The following ABI3BP variants were observed in gnomAD, a reference collection of about 807,000 sequenced individuals.
ABI3BP encodes the protein ABI family member 3 binding protein.
ABI3BP carries 216 observed loss-of-function variants against 268.6 expected under a neutral mutation model. That is an observed-to-expected ratio of 0.80 (90% confidence interval 0.72 to 0.90). ABI3BP has a LOEUF of 0.90. Ranked by LOEUF, ABI3BP falls within the 40% of genes least tolerant of loss-of-function variation. ABI3BP has a pLI of 0.00. For missense variants in ABI3BP, 2,090 were observed against 2,182.4 expected, an observed-to-expected ratio of 0.96 and a Z score of 0.84; for synonymous variants, 730 against 730.0, an observed-to-expected ratio of 1.00 and a Z score of 0.00.
Position 100,794,913 on chromosome 3 carries a change from C to A in ABI3BP, c.3946+10G>T. On this transcript the variant is annotated intron_variant, in intron 54 of 67. Coordinates refer to ENST00000471714, the MANE Select transcript of ABI3BP (RefSeq NM_001375547.2). ...AGCTCTCTTTGAACAAATATTAAAA[C>A]GAAATTTACCCAGAGTGGTCTGTAG... 6.4e-7 allele frequency: 1 copy of A among 1,552,234 alleles called. No individual in the cohort carries two copies.
intron 1 of ABI3BP, among the ~76,000 whole-genome samples, chr3:100,952,276 T>C (rs532117897): frequency 5.3e-5 from 8 of 152,300 alleles, no homozygotes; most frequent in African/African-American, 1.7e-4. Flanking sequence ...ACTTGAAAAT[T>C]GCTAAAAGTA....
At chr3:100,830,128 T>C (rs867291801) in intron 32 of ABI3BP, among the ~76,000 whole-genome samples, 82 of 44,188 alleles carry the variant, frequency 1.9e-3, no homozygotes, top group Non-Finnish European at 3.7e-3. Context: ...TATATATATA[T>C]ATATATATAT....
In ABI3BP at chr3:100,795,831, T is replaced by C. The variant is rs777709063; in HGVS notation, c.3838A>G (p.Arg1280Gly). Residue 1280 changes from arginine (R) to glycine (G), a missense_variant, in exon 53 of 68, where the codon AGA becomes GGA. Transcript: ENST00000471714. ...ATTGTTGTCTTTGGTGGCTCAAATCTAAAGGTAACAGGCTGCAGAACTATG... is the reference window on the plus strand; with the variant it reads ...ATTGTTGTCTTTGGTGGCTCAAATCCAAAGGTAACAGGCTGCAGAACTATG... ...SEPVLQPVTF[R>G]FEPPKTTIAP... 1 of 1,288,080 alleles carries C rather than the reference T, an allele frequency of 7.8e-7. No homozygotes were observed. The allele number at this position is 1,288,080 out of a possible 1,614,324, so 79.8% of individuals were successfully genotyped here.
intron 2 of ABI3BP, among the ~76,000 whole-genome samples, chr3:100,905,536 C>CT (rs55907993): frequency 1.3e-5 from 2 of 149,768 alleles, no homozygotes; most frequent in Admixed American, 6.6e-5. Context: ...ACTCTTAGTT[C>CT]TTTTTTTTTT....
At chr3:100,896,246 T>G (rs185441846) in intron 4 of ABI3BP, among the ~76,000 whole-genome samples, 31 of 152,250 alleles carry the variant, frequency 2.0e-4, no homozygotes, top group Admixed American at 2.0e-3. Flanking sequence ...GAGGGTGAGA[T>G]CCATGCATGG....
At chr3:100,891,826 G>A (rs2044829216) in intron 4 of ABI3BP, among the ~76,000 whole-genome samples, 1 of 152,238 alleles carries the variant, frequency 6.6e-6, no homozygotes, top group Non-Finnish European at 1.5e-5. Flanking sequence ...ATGGAAGCAA[G>A]TGGTATTCTG....
At chr3:100,806,635 C>A (rs976193270) in intron 50 of ABI3BP, among the ~76,000 whole-genome samples, 1 of 152,052 alleles carries the variant, frequency 6.6e-6, no homozygotes, top group African/African-American at 2.4e-5. Flanking sequence ...ACTGACAAAG[C>A]CAGAAGTATC....
At chr3:100,878,956 A>T (rs2099195868) in intron 6 of ABI3BP, among the ~76,000 whole-genome samples, 1 of 152,232 alleles carries the variant, frequency 6.6e-6, no homozygotes, top group Admixed American at 6.5e-5. Context: ...CTAAGTGCAC[A>T]ATGCGGGATG....
At chr3:100,828,486 A>G in intron 33 of ABI3BP, 34 bp from the exon 34 acceptor site, 1 of 1,491,130 alleles carries the variant, frequency 6.7e-7, no homozygotes, top group African/African-American at 1.4e-5. Context: ...AACACCAACA[A>G]AACATTAAAA....
chr3:100,950,838 C>T (rs543022174), intron 1 of ABI3BP, among the ~76,000 whole-genome samples: 4 of 151,924 alleles, frequency 2.6e-5, no homozygotes, highest in South Asian at 4.2e-4. Flanking sequence ...TGTCCATCCT[C>T]GTCCAGGCAT....
chr3:100,960,422 A>C (rs1412451006), intron 1 of ABI3BP, among the ~76,000 whole-genome samples: 1 of 152,224 alleles, frequency 6.6e-6, no homozygotes, highest in East Asian at 1.9e-4. Context: ...CATCAAACAA[A>C]ATAAATACAA....
At chr3:100,855,370 T>G (rs1244764689) in intron 14 of ABI3BP, among the ~76,000 whole-genome samples, 1 of 152,272 alleles carries the variant, frequency 6.6e-6, no homozygotes, top group Non-Finnish European at 1.5e-5. Flanking sequence ...CAAGACTTTA[T>G]CTTATTCAAA....
At chr3:100,829,460 C>G in intron 33 of ABI3BP, 121 bp downstream of exon 33, 1 of 870,014 alleles carries the variant, frequency 1.1e-6, no homozygotes, top group Non-Finnish European at 1.8e-6. Flanking sequence ...CTCCCCAGCC[C>G]TGTTCCTCAT....
intron 44 of ABI3BP, 128 bp downstream of exon 44, chr3:100,815,784 T>C (rs775673799): frequency 6.5e-5 from 40 of 616,792 alleles, no homozygotes; most frequent in Non-Finnish European, 1.1e-4. Context: ...TGCTGACTAT[T>C]TTAAAATGAA....
chr3:100,804,745 T>C (rs760949700), intron 51 of ABI3BP, 47 bp downstream of exon 51: 2 of 1,519,948 alleles, frequency 1.3e-6, no homozygotes, highest in Admixed American at 3.4e-5. Flanking sequence ...TGAAGCAGAG[T>C]GGGACAGTAG....
At chr3:100,818,657 G>C in intron 40 of ABI3BP, 76 bp from the exon 41 acceptor site, 1 of 1,144,824 alleles carries the variant, frequency 8.7e-7, no homozygotes, top group Non-Finnish European at 1.2e-6. Context: ...GCTTCAATCA[G>C]TATATAGCAA....
Position 100,770,935 on chromosome 3 carries a change from T to A in ABI3BP, c.4549A>T (p.Ile1517Phe). 3 of 1,588,530 alleles carry A rather than the reference T, an allele frequency of 1.9e-6. No homozygotes were observed. Among genetic ancestry groups the A allele is most frequent in the Non-Finnish European group, 2.6e-6 (3 of 1,167,154 alleles). ...CAGGGACTGTTGTCAGGCTTTTGGA[T>A]GTATCGCACATGAGGTCCTACGAGA... is the stretch of plus-strand genomic sequence containing the variant. ...PRFKGPHVRY[I>F]QKPDNSPCSI... The change falls in exon 62 of 68, where the codon ATC becomes TTC. Residue 1517 changes from isoleucine (I) to phenylalanine (F), a missense_variant. By Grantham distance (21) the Ile-to-Phe change is conservative. Coordinates refer to ENST00000471714, the MANE Select transcript of ABI3BP (RefSeq NM_001375547.2).
In ABI3BP at chr3:100,866,955, A is replaced by G. The variant is rs2099056516; in HGVS notation, c.912T>C (p.Ala304=). Residue 304 remains alanine (A), a splice_region_variant and synonymous_variant, in exon 10 of 68, where the codon GCT becomes GCC. Transcript: ENST00000471714. ...CAGGTAATGCCAAGGTTTCATTCTT[A>G]GCTAAAAAGTCAGAGAACAAACAAT... is the stretch of plus-strand genomic sequence containing the variant. ...EISDALKTQL[A]KNETLALPAE... 6.2e-7 allele frequency: 1 copy of G among 1,613,570 alleles called. No homozygotes were observed. Among genetic ancestry groups the G allele is most frequent in the Non-Finnish European group, 8.5e-7 (1 of 1,179,646 alleles).
intron 6 of ABI3BP, among the ~76,000 whole-genome samples, chr3:100,878,014 T>G (rs1027189096): frequency 6.6e-6 from 1 of 152,204 alleles, no homozygotes; most frequent in Non-Finnish European, 1.5e-5. Context: ...CGAATAAAAG[T>G]TTACTATTAT....
Sources: allele counts gnomAD v4.1 joint callset (sites outside exome capture counted in the v4.1 genomes callset), GRCh38; gene constraint gnomAD v4.1.1; transcripts MANE v1.5; gene names NCBI Gene and HGNC (gene_info 2026-07-23, HGNC 2026-07-21).